The following TUBA1C variants were observed in gnomAD, a reference collection of about 807,000 sequenced individuals.
The protein encoded by TUBA1C is tubulin alpha 1c, also known as tubulin alpha-1C chain.
In TUBA1C, 16 loss-of-function variants were observed where a neutral mutation model predicts 34.9. That is an observed-to-expected ratio of 0.46 (90% CI 0.31 to 0.70). The LOEUF is 0.70. Among genes scored for constraint, TUBA1C ranks in the 30% least tolerant of loss-of-function variants. The pLI is 0.05. For synonymous variants in TUBA1C, 177 were observed against 215.9 expected (o/e 0.82, Z 1.58); for missense variants, 329 against 587.3 (o/e 0.56, Z 4.55).
chr12:49,248,856 A>G (rs1233207099), intron 1 of TUBA1C, among the ~76,000 whole-genome samples: 1 of 140,814 alleles, frequency 7.1e-6, no homozygotes, highest in Non-Finnish European at 1.5e-5. Context: ...TGACAGAGCG[A>G]GACTCCCTCT....
At chr12:49,271,567 G>A (rs1017743941) in intron 3 of TUBA1C, among the ~76,000 whole-genome samples, 3 of 152,184 alleles carry the variant, frequency 2.0e-5, no homozygotes, top group Admixed American at 1.3e-4. Context: ...CTTAATCAGT[G>A]GAAGAACTGA....
Position 49,273,428 on chromosome 12 carries a change from C to G in TUBA1C, c.*201C>G. The G allele has an allele frequency of 1.1e-6, 1 of 904,510 alleles. No homozygotes were observed. Among genetic ancestry groups the G allele is most frequent in the Non-Finnish European group, 1.7e-6 (1 of 598,374 alleles). The allele number at this position is 904,510 out of a possible 1,614,324, so 56.0% of individuals were successfully genotyped here. A position where few individuals can be genotyped will look rare whatever the true frequency, so the allele number is the denominator to read the frequency against. ...GAGTCGAGGGTCTTGCTCTGTCACCCAGGCTGGAGTGCAGTGGCATGATAA... is the reference window on the plus strand; with the variant it reads ...GAGTCGAGGGTCTTGCTCTGTCACCGAGGCTGGAGTGCAGTGGCATGATAA... On this transcript the variant is annotated 3_prime_UTR_variant, in exon 4 of 4. Coordinates refer to ENST00000301072, the MANE Select transcript of TUBA1C (RefSeq NM_032704.5).
chr12:49,241,777 G>A (rs547620145), intron 1 of TUBA1C, among the ~76,000 whole-genome samples: 19 of 151,674 alleles, frequency 1.3e-4, no homozygotes, highest in African/African-American at 4.6e-4. Flanking sequence ...AGCCTCCCAA[G>A]TAGCTGGGAC....
intron 1 of TUBA1C, among the ~76,000 whole-genome samples, chr12:49,239,041 C>T (rs1942585697): frequency 6.6e-6 from 1 of 152,216 alleles, no homozygotes. Flanking sequence ...AGTTCCAGCC[C>T]TCTGGGAATG....
At chr12:49,259,973 G>A (rs1257761666) in intron 1 of TUBA1C, among the ~76,000 whole-genome samples, 1 of 152,146 alleles carries the variant, frequency 6.6e-6, no homozygotes, top group Non-Finnish European at 1.5e-5. Flanking sequence ...GAAGTTAGTC[G>A]CAGGGAAAGA....
At chr12:49,263,097 C>A (rs1942857819), upstream of TUBA1C, among the ~76,000 whole-genome samples, 1 of 146,662 alleles carries the variant, frequency 6.8e-6, no homozygotes, top group Non-Finnish European at 1.5e-5. Flanking sequence ...GATCTCTGCT[C>A]ACTGCAACCT....
chr12:49,233,920 C>G (rs1565637591), intron 1 of TUBA1C: 1 of 152,316 alleles, frequency 6.6e-6, no homozygotes, highest in Non-Finnish European at 1.5e-5. Flanking sequence ...TTGCGGGTTG[C>G]AGTTCCCGGC....
At chr12:49,242,732 C>A (rs550137148) in intron 1 of TUBA1C, among the ~76,000 whole-genome samples, 1 of 152,258 alleles carries the variant, frequency 6.6e-6, no homozygotes, top group African/African-American at 2.4e-5. Flanking sequence ...AAGCAATCCT[C>A]CTGCCTCGGC....
chr12:49,253,664 A>G (rs937866110), intron 1 of TUBA1C, among the ~76,000 whole-genome samples: 6 of 152,116 alleles, frequency 3.9e-5, no homozygotes, highest in African/African-American at 1.4e-4. Context: ...AGTAGCTGGG[A>G]CTACAGGCAT....
intron 1 of TUBA1C, among the ~76,000 whole-genome samples, chr12:49,229,672 G>GA (rs1942475163): frequency 7.3e-6 from 1 of 137,372 alleles, no homozygotes; most frequent in Non-Finnish European, 1.5e-5. Flanking sequence ...TGTTTGCATA[G>GA]AGGTGTGTGT....
intron 1 of TUBA1C, among the ~76,000 whole-genome samples, chr12:49,240,300 A>G (rs1942601440): frequency 6.8e-6 from 1 of 146,658 alleles, no homozygotes; most frequent in South Asian, 2.1e-4. Flanking sequence ...TTCTCTGAAA[A>G]AAAAAAAAAA....
At chr12:49,247,871 G>T (rs894691624) in intron 1 of TUBA1C, among the ~76,000 whole-genome samples, 3 of 146,686 alleles carry the variant, frequency 2.0e-5, no homozygotes, top group Non-Finnish European at 4.5e-5. Flanking sequence ...TTGCTTGACC[G>T]CAGGAGGCAG....
At chr12:49,242,709 A>G (rs1402362630) in intron 1 of TUBA1C, among the ~76,000 whole-genome samples, 10 of 151,268 alleles carry the variant, frequency 6.6e-5, no homozygotes, top group Non-Finnish European at 1.5e-4. Flanking sequence ...GCTGTTCTCA[A>G]ACTCCTAGTC....
chr12:49,264,054 A>C (rs1378633182), upstream of TUBA1C, among the ~76,000 whole-genome samples: 1 of 152,064 alleles, frequency 6.6e-6, no homozygotes, highest in Non-Finnish European at 1.5e-5. Context: ...CCCCGTCTCT[A>C]CTAAAAATAC....
chr12:49,265,091 C>T lies in TUBA1C; in HGVS notation c.-91C>T, dbSNP rs1218161513. ...GGCCGGCCACCCTTTCACTACTTCT[C>T]CCCCGGACTCCTTGGTAGTCTGTTA... On this transcript the variant is annotated 5_prime_UTR_variant, in exon 1 of 4. Coordinates refer to ENST00000301072, the MANE Select transcript of TUBA1C (RefSeq NM_032704.5). 6.7e-6 allele frequency: 10 copies of T among 1,486,610 alleles called. No homozygotes were observed. Among genetic ancestry groups the T allele is most frequent in the African/African-American group, 1.4e-5 (1 of 71,462 alleles). The allele number at this position is 1,486,610 out of a possible 1,614,324, so 92.1% of individuals were successfully genotyped here.
chr12:49,259,444 A>G (rs949629959), intron 1 of TUBA1C, among the ~76,000 whole-genome samples: 2 of 152,032 alleles, frequency 1.3e-5, no homozygotes, highest in Admixed American at 1.3e-4. Context: ...GCTGGTCTCA[A>G]ACGCCTGACC....
chr12:49,268,652 T>G (rs554071494), intron 1 of TUBA1C, among the ~76,000 whole-genome samples: 7 of 152,326 alleles, frequency 4.6e-5, no homozygotes, highest in Admixed American at 3.9e-4. Flanking sequence ...TCCTATAGAT[T>G]AGATTCTTCC....
intron 3 of TUBA1C, among the ~76,000 whole-genome samples, chr12:49,270,692 T>C (rs936279970): frequency 6.6e-6 from 1 of 152,178 alleles, no homozygotes; most frequent in African/African-American, 2.4e-5. Context: ...GCTTAAAAAC[T>C]AAGCTTTAGG....
chr12:49,263,023 CTTTTTT>C (rs758187649), upstream of TUBA1C, among the ~76,000 whole-genome samples: 16 of 117,108 alleles, frequency 1.4e-4, no homozygotes, highest in East Asian at 5.6e-4. Context: ...GAGAATTACT[CTTTTTT>C]TTTTTTTTTT....
Sources: gnomAD v4.1 joint callset for allele counts (sites outside exome capture counted in the v4.1 genomes callset) on GRCh38, gnomAD v4.1.1 for gene constraint, MANE v1.5 for transcripts, NCBI Gene and HGNC (gene_info 2026-07-23, HGNC 2026-07-21) for gene names.